TMEM278: variants seen among roughly 807,000 people sequenced by gnomAD.
The protein encoded by TMEM278 is transmembrane protein 88B.
At chr1:1,426,051 G>C in the TMEM278 span, 5 of 1,279,714 alleles carry the variant, frequency 3.9e-6, no homozygotes, top group Non-Finnish European at 5.0e-6. Flanking sequence ...CGGGGTTAAA[G>C]GTCTTCCAGG....
At chr1:1,426,509 C>A in the TMEM278 span, 1 of 738,502 alleles carries the variant, frequency 1.4e-6, no homozygotes, top group Non-Finnish European at 1.9e-6. Context: ...GTGTGCCCCT[C>A]CCTGGCAGCC....
the TMEM278 span, chr1:1,427,913 G>A: frequency 3.2e-6 from 3 of 926,178 alleles, no homozygotes; most frequent in Non-Finnish European, 4.2e-6. Context: ...AGCGCTCCCG[G>A]CTTACGACCC....
chr1:1,427,106 C>T, the TMEM278 span, among the ~76,000 whole-genome samples: 2 of 147,324 alleles, frequency 1.4e-5, no homozygotes, highest in Non-Finnish European at 3.0e-5. Flanking sequence ...CTGCTCAGCC[C>T]GCCACGGCCC....
chr1:1,428,172 GGAGAGGGGAGGGGAA>G, the TMEM278 span, among the ~76,000 whole-genome samples: 13 of 134,110 alleles, frequency 9.7e-5, no homozygotes, highest in Middle Eastern at 3.8e-3. Flanking sequence ...GGGAAAGAGA[GGAGAGGGGAGGGGAA>G]GAGAGGGGAG....
chr1:1,426,215 G>A, the TMEM278 span: 1,212 of 1,412,584 alleles, frequency 8.6e-4, 10 homozygotes, highest in East Asian at 3.7e-3. Context: ...GGGACCTCCC[G>A]ACCACCAGGC....
the TMEM278 span, among the ~76,000 whole-genome samples, chr1:1,428,520 C>T: frequency 6.6e-6 from 1 of 152,102 alleles, no homozygotes; most frequent in Non-Finnish European, 1.5e-5. Flanking sequence ...AGCTCACACC[C>T]ACCCTGTTTG....
the TMEM278 span, among the ~76,000 whole-genome samples, chr1:1,428,720 G>A: frequency 3.9e-5 from 6 of 152,112 alleles, no homozygotes; most frequent in African/African-American, 1.2e-4. Context: ...ACATATCCAG[G>A]CCAGGCACGG....
chr1:1,427,794 G>T, the TMEM278 span: 3 of 1,378,240 alleles, frequency 2.2e-6, no homozygotes, highest in Non-Finnish European at 2.8e-6. Context: ...GTGACCCGGC[G>T]GCCGCTGCGA....
At chr1:1,426,232 C>T in the TMEM278 span, 1 of 1,453,004 alleles carries the variant, frequency 6.9e-7, no homozygotes, top group South Asian at 1.4e-5. Context: ...AGGCCTCAGC[C>T]CTGACGTGCC....
the TMEM278 span, among the ~76,000 whole-genome samples, chr1:1,427,288 C>T: frequency 2.1e-5 from 3 of 140,254 alleles, no homozygotes; most frequent in Non-Finnish European, 4.7e-5. Context: ...CGGCCCTCAC[C>T]GCCCCTTCAT....
chr1:1,429,361 G>C, the TMEM278 span, among the ~76,000 whole-genome samples: 2 of 151,322 alleles, frequency 1.3e-5, no homozygotes, highest in African/African-American at 4.9e-5. Context: ...AAAAAAAAAA[G>C]GTTAGCATAT....
chr1:1,427,876 C>A, the TMEM278 span: 38 of 1,204,504 alleles, frequency 3.2e-5, no homozygotes, highest in Non-Finnish European at 3.8e-5. Flanking sequence ...AGGGTCGCCC[C>A]CGCTGCCCCT....
chr1:1,427,888 C>T, the TMEM278 span: 1 of 1,142,152 alleles, frequency 8.8e-7, no homozygotes, highest in Non-Finnish European at 1.1e-6. Flanking sequence ...GCTGCCCCTT[C>T]CTGGCTGGGC....
the TMEM278 span, among the ~76,000 whole-genome samples, chr1:1,428,503 T>G: frequency 2.6e-5 from 4 of 152,052 alleles, no homozygotes; most frequent in East Asian, 7.7e-4. Context: ...GCGTCCTAGC[T>G]GTGCCGAGCT....
At chr1:1,427,994 GAAGAGA>G in the TMEM278 span, among the ~76,000 whole-genome samples, 7 of 108,972 alleles carry the variant, frequency 6.4e-5, no homozygotes, top group Non-Finnish European at 1.1e-4. Flanking sequence ...GAGGGGAGGG[GAAGAGA>G]GGGGAGGGGA....
chr1:1,427,571 T>C, the TMEM278 span: 414 of 920,742 alleles, frequency 4.5e-4, 2 homozygotes, highest in South Asian at 2.7e-3. Context: ...CCGCTCCGGG[T>C]CCCCGGTGCC....
the TMEM278 span, chr1:1,426,273 G>C: frequency 6.7e-7 from 1 of 1,492,004 alleles, no homozygotes; most frequent in Non-Finnish European, 9.0e-7. Flanking sequence ...CTGCTGCCCG[G>C]CCGGCTGCTG....
chr1:1,427,106 C>A, the TMEM278 span, among the ~76,000 whole-genome samples: 1 of 147,324 alleles, frequency 6.8e-6, no homozygotes, highest in African/African-American at 2.5e-5. Context: ...CTGCTCAGCC[C>A]GCCACGGCCC....
At chr1:1,427,406 TCCCTC>T in the TMEM278 span, 1 of 6,380 alleles carries the variant, frequency 1.6e-4, no homozygotes, top group African/African-American at 6.7e-4. Flanking sequence ...TTCTCCCCCT[TCCCTC>T]CATCATCCCG....
Sources: allele counts gnomAD v4.1 joint callset (sites outside exome capture counted in the v4.1 genomes callset), GRCh38; gene constraint gnomAD v4.1.1; transcripts MANE v1.5; gene names NCBI Gene and HGNC (gene_info 2026-07-23, HGNC 2026-07-21).